LIPF: variants seen among roughly 807,000 people sequenced by gnomAD.
LIPF encodes the protein gastric triacylglycerol lipase.
A neutral mutation model predicts 38.0 loss-of-function variants in LIPF; 25 were observed. That is an observed-to-expected ratio of 0.66 (90% CI 0.48 to 0.92). The LOEUF (loss-of-function observed/expected upper bound fraction) is 0.92. Among genes scored for constraint, LIPF ranks in the 40% least tolerant of loss-of-function variants. LIPF has a pLI of 0.00. For synonymous variants in LIPF, 161 were observed against 156.2 expected (o/e 1.03, Z -0.23); for missense variants, 410 against 469.9 (o/e 0.87, Z 1.18).
chr10:88,672,687 CTCTCTT>C (rs1841622836), intron 6 of LIPF, among the ~76,000 whole-genome samples: 3 of 149,392 alleles, frequency 2.0e-5, no homozygotes, highest in Admixed American at 2.0e-4. Context: ...CTCTCTCTCT[CTCTCTT>C]TCCTTTAGGG....
rs184502977 is a variant in LIPF, at chr10:88,673,113, A to G, written c.670-475A>G. 3.9e-5 allele frequency among the ~76,000 whole-genome samples: 6 copies of G among 152,300 alleles called. No individual in the cohort carries two copies. The East Asian group carries it at 1.2e-3, about 29-fold the overall frequency. On this transcript the variant is annotated intron_variant, in intron 6 of 9. Coordinates refer to ENST00000238983, the MANE Select transcript of LIPF (RefSeq NM_004190.4). ...ATGACAAAATATCTGCCTTCCTCAA[A>G]GAGAGTTGGGGCAAACTCTTTCAAT...
chr10:88,668,156 T>C (rs961632651), intron 3 of LIPF, among the ~76,000 whole-genome samples: 1 of 152,090 alleles, frequency 6.6e-6, no homozygotes, highest in African/African-American at 2.4e-5. Context: ...AGGCTAATTT[T>C]CACTAGTACT....
chr10:88,678,450 A>G lies in LIPF; in HGVS notation c.966A>G (p.Gln322=), dbSNP rs1228187. Residue 322 remains glutamine, a synonymous_variant, in exon 10 of 10, where the codon CAA becomes CAG. Coordinates refer to ENST00000238983, the MANE Select transcript of LIPF (RefSeq NM_004190.4). The part of the protein sequence containing the change: ...VQNRMHYDQS[Q]PPYYNVTAMN... ...CTTTCTCTTGTGTTTTCTAGTCCCAACCTCCCTACTACAATGTGACAGCCA... is the reference window on the plus strand; with the variant it reads ...CTTTCTCTTGTGTTTTCTAGTCCCAGCCTCCCTACTACAATGTGACAGCCA... 334,256 of 1,610,416 alleles carry G rather than the reference A, an allele frequency of 0.21. 35,934 individuals are homozygous for G. Among genetic ancestry groups the G allele is most frequent in the East Asian group, 0.35 (15,868 of 44,836 alleles).
At position 88,668,715 on chromosome 10, in the gene LIPF, C is replaced by T. The variant is rs1335981039; in HGVS notation, c.381C>T (p.Asn127=). 3 of 1,614,002 alleles carry T rather than the reference C, an allele frequency of 1.9e-6. No individual in the cohort carries two copies. Among genetic ancestry groups the T allele is most frequent in the Admixed American group, 3.3e-5 (2 of 59,994 alleles). ...NSRGNTWARR[N]LYYSPDSVEF... ...GAGGAAACACCTGGGCCAGAAGAAACTTGTACTATTCACCAGATTCAGTTG... is the reference window on the plus strand; with the variant it reads ...GAGGAAACACCTGGGCCAGAAGAAATTTGTACTATTCACCAGATTCAGTTG... Residue 127 remains asparagine, a synonymous_variant, in exon 4 of 10, where the codon AAC becomes AAT. Transcript: ENST00000238983.
rs140222633 is a variant in LIPF, at chr10:88,676,653, T to G, written c.960+373T>G. ...CTGTTCATGGAATTTCTGGTCTTCT[T>G]AAACAATACCCTTTCCTTTGTTGAC... On this transcript the variant is annotated intron_variant, in intron 9 of 9. Transcript: ENST00000238983. Among the ~76,000 whole-genome samples the G allele has an allele frequency of 4.6e-5, 7 of 152,342 alleles. No homozygotes were observed. In the East Asian group the frequency reaches 1.3e-3, roughly 29 times the overall value.
chr10:88,675,640 A>T lies in LIPF; in HGVS notation c.871A>T (p.Met291Leu). 2 of 1,611,604 alleles carry T rather than the reference A, an allele frequency of 1.2e-6. No homozygotes were observed. The highest frequency in any genetic ancestry group is 1.7e-6 in the Non-Finnish European group (2 of 1,177,822). ...HNPAGTSVQN[M>L]FHWTQAVKSG... is the part of the protein sequence containing the mutation. ...TCCAGCAGGAACTTCTGTTCAAAAC[A>T]TGTTCCATTGGACCCAGGTATTCTT... is the stretch of plus-strand genomic sequence containing the variant. The change falls in exon 8 of 10, where the codon ATG becomes TTG. Residue 291 changes from methionine (M) to leucine (L), a missense_variant. Coordinates refer to ENST00000238983, the MANE Select transcript of LIPF (RefSeq NM_004190.4).
At position 88,678,551 on chromosome 10, in the gene LIPF, C is replaced by G. The variant is rs867456911; in HGVS notation, c.1067C>G (p.Pro356Arg). The G allele has an allele frequency of 3.7e-6, 6 of 1,613,970 alleles. No individual in the cohort carries two copies. Among genetic ancestry groups the G allele is most frequent in the Middle Eastern group, 3.3e-4 (2 of 6,062 alleles). ...ADPQDVGLLL[P>R]KLPNLIYHKE... is the part of the protein sequence containing the mutation. ...CCCCAAGATGTTGGCCTTTTGCTTC[C>G]AAAACTCCCCAATCTTATTTACCAC... The change falls in exon 10 of 10, where the codon CCA (proline) becomes CGA (arginine). Residue 356 changes from proline to arginine, a missense_variant. Pro to Arg is a moderately radical substitution (Grantham distance 103, BLOSUM62 -2). Transcript: ENST00000238983.
chr10:88,667,217 T>C (rs1841524287), intron 1 of LIPF, 70 bp from the exon 2 acceptor site: 2 of 837,086 alleles, frequency 2.4e-6, no homozygotes, highest in Admixed American at 4.5e-5. Context: ...AAAGGTAAAA[T>C]TGGCATAAAA....
chr10:88,678,245 C>T (rs1841717213), intron 9 of LIPF, among the ~76,000 whole-genome samples, 200 bp from the exon 10 acceptor site: 1 of 152,168 alleles, frequency 6.6e-6, no homozygotes, highest in Admixed American at 6.5e-5. Context: ...ATTCACAGGC[C>T]CATTAGAATT....
chr10:88,674,430 AGTGCTGGGATTACAG>A (rs2031809087), intron 7 of LIPF, among the ~76,000 whole-genome samples: 1 of 151,846 alleles, frequency 6.6e-6, no homozygotes, highest in Non-Finnish European at 1.5e-5. Flanking sequence ...AGCTTCCCAA[AGTGCTGGGATTACAG>A]GCGTGAGCCA....
At chr10:88,671,682 C>T (rs373664971) in intron 5 of LIPF, 147 bp from the exon 6 acceptor site, 7 of 1,024,034 alleles carry the variant, frequency 6.8e-6, no homozygotes, top group Middle Eastern at 2.2e-4. Flanking sequence ...AATCTAATCA[C>T]TGAGCCAGCA....
chr10:88,666,906 T>G lies in LIPF; in HGVS notation c.-11-381T>G, dbSNP rs1590108335. 2.0e-5 allele frequency among the ~76,000 whole-genome samples: 3 copies of G among 151,994 alleles called. No homozygotes were observed. In the East Asian group the frequency reaches 5.8e-4, roughly 29 times the overall value. ...GGCCCACACATCCCTCACCCAAATC[T>G]GGGCTCTCAAAATAAGCAGGCAAAA... On this transcript the variant is annotated intron_variant, in intron 1 of 9. Transcript: ENST00000238983.
intron 1 of LIPF, 104 bp from the exon 2 acceptor site, chr10:88,667,182 AC>A: frequency 1.6e-6 from 1 of 613,748 alleles, no homozygotes; most frequent in Non-Finnish European, 2.9e-6. Context: ...ATATAATCAA[AC>A]CCAAGCATTC....
intron 6 of LIPF, among the ~76,000 whole-genome samples, chr10:88,672,670 A>ACACTCTCT (rs869259093): frequency 6.8e-4 from 75 of 110,550 alleles, no homozygotes; most frequent in African/African-American, 2.1e-3. Context: ...ACACACACAC[A>ACACTCTCT]CTCTCTCTCT....
rs199972410 is a variant in LIPF at position 88,678,624 on chromosome 10, T to C, written c.1140T>C (p.Asp380=). The change falls in exon 10 of 10, where the codon GAT becomes GAC. Residue 380 remains aspartate, a synonymous_variant. Transcript: ENST00000238983. The part of the protein sequence containing the change: ...YNHLDFIWAM[D]APQEVYNDIV... ...ACTTGGACTTTATCTGGGCAATGGA[T>C]GCCCCTCAAGAAGTTTACAATGACA... The C allele has an allele frequency of 6.2e-7, 1 of 1,613,860 alleles. No individual in the cohort carries two copies. Among genetic ancestry groups the C allele is most frequent in the Non-Finnish European group, 8.5e-7 (1 of 1,179,748 alleles).
Position 88,678,671 on chromosome 10 carries a change from A to C in LIPF, c.1187A>C (p.Asp396Ala). ...GACATTGTTTCTATGATATCAGAAG[A>C]TAAAAAGTAGTTCTGGATTTAAAGA... The part of the protein sequence containing the change: ...YNDIVSMISE[D>A]KK The change falls in exon 10 of 10, where the codon GAT (aspartate) becomes GCT (alanine). Residue 396 changes from aspartate to alanine, a missense_variant. Physicochemically the swap from Asp to Ala is moderately radical, Grantham distance 126. Transcript: ENST00000238983. The C allele has an allele frequency of 6.3e-7, 1 of 1,596,306 alleles. No homozygotes were observed. Among genetic ancestry groups the C allele is most frequent in the Non-Finnish European group, 8.6e-7 (1 of 1,163,850 alleles).
At chr10:88,672,625 AACACACACACACACACACACACACAC>A (rs71471111) in intron 6 of LIPF, among the ~76,000 whole-genome samples, 2 of 130,864 alleles carry the variant, frequency 1.5e-5, no homozygotes, top group South Asian at 2.8e-4. Flanking sequence ...CAGTAAAACC[AACACACACACACACACACACACACAC>A]ACACACACAC....
rs17287000 is a variant in LIPF at position 88,666,683 on chromosome 10, C to A, written c.-11-604C>A. Among the ~76,000 whole-genome samples, 1,069 of 152,094 alleles carry A rather than the reference C, an allele frequency of 7.0e-3. 7 individuals carry two copies. Among genetic ancestry groups the A allele is most frequent in the Middle Eastern group, 0.027 (8 of 292 alleles). Reference sequence around the variant, plus strand: ...ACCAGTCTGAGTAATGTAGAAACACCCTATCTCTAAAAAAAAGAAAAAAAA... The same window carrying A: ...ACCAGTCTGAGTAATGTAGAAACACACTATCTCTAAAAAAAAGAAAAAAAA... On this transcript the variant is annotated intron_variant, in intron 1 of 9. Transcript: ENST00000238983.
intron 6 of LIPF, among the ~76,000 whole-genome samples, chr10:88,672,242 T>A (rs944402028): frequency 6.6e-6 from 1 of 152,130 alleles, no homozygotes; most frequent in African/African-American, 2.4e-5. Flanking sequence ...TTAAGCACTC[T>A]ACACAGTTGT....
Sources: gnomAD v4.1 joint callset for allele counts (sites outside exome capture counted in the v4.1 genomes callset) on GRCh38, gnomAD v4.1.1 for gene constraint, MANE v1.5 for transcripts, NCBI Gene and HGNC (gene_info 2026-07-23, HGNC 2026-07-21) for gene names.